Variants in TAF1B observed in about 807,000 individuals in gnomAD.
The protein encoded by TAF1B is TATA-box binding protein associated factor, RNA polymerase I subunit B, also known as TATA box-binding protein-associated factor RNA polymerase I subunit B.
TAF1B carries 61 observed loss-of-function variants against 83.9 expected under a neutral mutation model. The observed-to-expected ratio is 0.73, with a 90% CI of 0.59 to 0.90. The LOEUF (loss-of-function observed/expected upper bound fraction) is 0.90, where lower values mean the gene tolerates loss of function less well. Ranked by LOEUF, TAF1B falls within the 40% of genes least tolerant of loss-of-function variation. TAF1B has a pLI of 0.00. For missense variants in TAF1B, 625 were observed against 677.0 expected, an observed-to-expected ratio of 0.92 and a Z score of 0.85; for synonymous variants, 221 against 224.6, an observed-to-expected ratio of 0.98 and a Z score of 0.14.
rs542389937 is a variant in TAF1B, at chr2:9,930,047, C to A, written c.1566-3736C>A. Among the ~76,000 whole-genome samples, 3 of 150,566 alleles carry A rather than the reference C, an allele frequency of 2.0e-5. No individual in the cohort carries two copies. In the South Asian group the frequency reaches 6.3e-4, roughly 31 times the overall value. On this transcript the variant is annotated intron_variant, in intron 14 of 14. Coordinates refer to ENST00000263663, the MANE Select transcript of TAF1B (RefSeq NM_005680.3). Reference sequence around the variant, plus strand: ...GGTGGTGATATCCCCTTTATCATTGCATCTATTTGATTCTTCTCTTTTCTT... The same window carrying A: ...GGTGGTGATATCCCCTTTATCATTGAATCTATTTGATTCTTCTCTTTTCTT...
intron 5 of TAF1B, among the ~76,000 whole-genome samples, chr2:9,857,474 G>C (rs1175122348): frequency 6.6e-6 from 1 of 152,206 alleles, no homozygotes; most frequent in Non-Finnish European, 1.5e-5. Flanking sequence ...TGGAAGGAAA[G>C]AGTTGCCATC....
chr2:9,909,544 T>C (rs1312200453), intron 9 of TAF1B, among the ~76,000 whole-genome samples: 1 of 152,170 alleles, frequency 6.6e-6, no homozygotes, highest in South Asian at 2.1e-4. Context: ...GAGATTAGGC[T>C]GGGAGCTAAA....
At chr2:9,885,734 T>TCCC in intron 8 of TAF1B, among the ~76,000 whole-genome samples, 1 of 150,358 alleles carries the variant, frequency 6.7e-6, no homozygotes, top group African/African-American at 2.5e-5. Context: ...CTCCCTTCTT[T>TCCC]CTCCCCACGC....
At chr2:9,875,834 G>A in intron 6 of TAF1B, 31 bp from the exon 7 acceptor site, 1 of 1,545,488 alleles carries the variant, frequency 6.5e-7, no homozygotes, top group Non-Finnish European at 8.8e-7. Flanking sequence ...TAGTTCACTG[G>A]ATTTTTAAAA....
intron 2 of TAF1B, 143 bp downstream of exon 2, chr2:9,845,461 G>C: frequency 3.2e-6 from 2 of 615,722 alleles, no homozygotes; most frequent in Non-Finnish European, 5.8e-6. Flanking sequence ...TGTGGTCTTA[G>C]GTACTTACAC....
intron 9 of TAF1B, among the ~76,000 whole-genome samples, chr2:9,905,556 G>A (rs951324120): frequency 6.6e-6 from 1 of 152,128 alleles, no homozygotes; most frequent in Non-Finnish European, 1.5e-5. Flanking sequence ...ACTATACCTG[G>A]TTCATAGTAT....
intron 8 of TAF1B, among the ~76,000 whole-genome samples, chr2:9,884,363 C>T (rs1348809468): frequency 6.6e-6 from 1 of 152,232 alleles, no homozygotes; most frequent in Non-Finnish European, 1.5e-5. Flanking sequence ...ACATGGCGAG[C>T]AAGGGGCATG....
chr2:9,852,748 T>C (rs1663437792), intron 4 of TAF1B, among the ~76,000 whole-genome samples: 1 of 152,146 alleles, frequency 6.6e-6, no homozygotes. Flanking sequence ...CATCTCGGCC[T>C]CTCAAAGTGC....
chr2:9,857,040 G>A (rs1485907960), intron 5 of TAF1B, among the ~76,000 whole-genome samples: 1 of 152,174 alleles, frequency 6.6e-6, no homozygotes, highest in African/African-American at 2.4e-5. Context: ...TGCAGAAGAA[G>A]CAAATTAACA....
Position 9,866,937 on chromosome 2 carries a change from G to C in TAF1B, c.400-1339G>C, listed in dbSNP as rs894346800. 3.9e-5 allele frequency among the ~76,000 whole-genome samples: 6 copies of C among 152,066 alleles called. No individual in the cohort carries two copies. The East Asian group carries it at 1.2e-3, about 29-fold the overall frequency. On this transcript the variant is annotated intron_variant, in intron 5 of 14. Transcript: ENST00000263663. The stretch of plus-strand genomic sequence containing the variant: ...AACATCCCATACCGGGGACTGTTGT[G>C]GGGTGGGTGGAGGGGGGAGGGATAG...
At chr2:9,855,261 C>T (rs932197967) in intron 5 of TAF1B, among the ~76,000 whole-genome samples, 2 of 152,226 alleles carry the variant, frequency 1.3e-5, no homozygotes, top group Non-Finnish European at 2.9e-5. Flanking sequence ...TCCCAAAGTG[C>T]TGGGATTACA....
chr2:9,875,172 C>T (rs1054469376), intron 6 of TAF1B, among the ~76,000 whole-genome samples: 1 of 151,976 alleles, frequency 6.6e-6, no homozygotes, highest in Non-Finnish European at 1.5e-5. Flanking sequence ...CCATGTTGAC[C>T]AGGCTGGTTT....
At position 9,920,564 on chromosome 2, in the gene TAF1B, G is replaced by A. The variant is rs190779024; in HGVS notation, c.1565+744G>A. Among the ~76,000 whole-genome samples the A allele has an allele frequency of 2.8e-4, 35 of 123,602 alleles. 1 individual carries two copies. The South Asian group carries it at 7.7e-3, about 27-fold the overall frequency. The allele number at this position is 123,602 out of a possible 152,430, so 81.1% of individuals were successfully genotyped here. A position where few individuals can be genotyped will look rare whatever the true frequency, so the allele number is the denominator to read the frequency against. On this transcript the variant is annotated intron_variant, in intron 14 of 14. Transcript: ENST00000263663. ...AGGGTATCATTTCTCAGGGTATGGC[G>A]TCTGTAGACTGGGGCGGGGGGCGGG... is the stretch of plus-strand genomic sequence containing the variant.
intron 6 of TAF1B, among the ~76,000 whole-genome samples, chr2:9,872,180 G>C (rs1207259824): frequency 1.3e-5 from 2 of 152,136 alleles, no homozygotes; most frequent in African/African-American, 4.8e-5. Context: ...CAAAAAATTA[G>C]ATGGGTGTGG....
chr2:9,869,310 C>A (rs1273555759), intron 6 of TAF1B, among the ~76,000 whole-genome samples: 1 of 151,944 alleles, frequency 6.6e-6, no homozygotes, highest in Non-Finnish European at 1.5e-5. Context: ...CTGCAACCTC[C>A]GCCTCCCAGG....
At chr2:9,879,392 AAG>A (rs1664423821) in intron 7 of TAF1B, among the ~76,000 whole-genome samples, 2 of 152,196 alleles carry the variant, frequency 1.3e-5, no homozygotes, top group African/African-American at 2.4e-5. Context: ...GTGCTGGACA[AAG>A]AGAGGACCCG....
chr2:9,879,403 C>T (rs35686192), intron 7 of TAF1B, among the ~76,000 whole-genome samples: 46,751 of 152,004 alleles, frequency 0.31, 7,555 homozygotes, highest in Admixed American at 0.38. Context: ...AGAGAGGACC[C>T]GCATCTCAGG....
chr2:9,914,282 G>A lies in TAF1B; in HGVS notation c.1271+1033G>A, dbSNP rs953631150. Among the ~76,000 whole-genome samples the A allele has an allele frequency of 3.9e-5, 6 of 152,102 alleles. No homozygotes were observed. The highest frequency in any genetic ancestry group is 1.4e-4 in the African/African-American group (6 of 41,434). On this transcript the variant is annotated intron_variant, in intron 12 of 14. Transcript: ENST00000263663. This position sits in a 1 kb window ranked among gnomAD's most constrained non-coding sequence, Gnocchi z 4.3. ...CACAATGAAGAAGAGGGGTGGAGGTGAATTTATCCCAACAGCCCATGGATT... is the reference window on the plus strand; with the variant it reads ...CACAATGAAGAAGAGGGGTGGAGGTAAATTTATCCCAACAGCCCATGGATT...
chr2:9,888,424 C>G (rs1664744559), intron 8 of TAF1B, among the ~76,000 whole-genome samples: 1 of 151,966 alleles, frequency 6.6e-6, no homozygotes, highest in Non-Finnish European at 1.5e-5. Flanking sequence ...ATTTAGATCC[C>G]AATTTCTGTC....
Sources: allele counts gnomAD v4.1 joint callset (sites outside exome capture counted in the v4.1 genomes callset), GRCh38; gene constraint gnomAD v4.1.1; non-coding constraint Gnocchi (gnomAD v3.1); transcripts MANE v1.5; gene names NCBI Gene and HGNC (gene_info 2026-07-23, HGNC 2026-07-21).